LSAMP: variants seen among roughly 807,000 people sequenced by gnomAD.
LSAMP encodes the protein limbic system associated membrane protein, also known as limbic system-associated membrane protein.
In LSAMP, 7 loss-of-function variants were observed where a neutral mutation model predicts 38.6. That is an observed-to-expected ratio of 0.18 (90% CI 0.10 to 0.34). The LOEUF (loss-of-function observed/expected upper bound fraction) is 0.34, where lower values mean the gene tolerates loss of function less well. Among genes scored for constraint, LSAMP ranks in the 10% least tolerant of loss-of-function variants. LSAMP has a pLI of 1.00. For synonymous variants in LSAMP, 154 were observed against 166.8 expected, an observed-to-expected ratio of 0.92 and a Z score of 0.59; for missense variants, 313 against 420.0, an observed-to-expected ratio of 0.75 and a Z score of 2.23.
intron 1 of LSAMP, among the ~76,000 whole-genome samples, chr3:116,189,137 C>G (rs1710694450): frequency 6.6e-6 from 1 of 151,956 alleles, no homozygotes. Flanking sequence ...GTACTATGAA[C>G]AAAAAGTGGA....
chr3:115,954,120 G>A (rs957171951), intron 3 of LSAMP, among the ~76,000 whole-genome samples: 36 of 152,092 alleles, frequency 2.4e-4, no homozygotes, highest in African/African-American at 8.4e-4. Context: ...CCCTCATCCC[G>A]ATTCCCAGTT....
chr3:116,065,881 T>C (rs1707416629), intron 2 of LSAMP, among the ~76,000 whole-genome samples: 6 of 152,174 alleles, frequency 3.9e-5, no homozygotes. Context: ...TGTATGAACT[T>C]GGATAGTTAT....
chr3:116,159,354 C>T lies in LSAMP; in HGVS notation c.156-72798G>A, dbSNP rs371474026. ...TGGGAGTAAATATTTGCAAAGTATG[C>T]ATCTGACAAACATTTGATATCCAGA... On this transcript the variant is annotated intron_variant, in intron 1 of 6. Coordinates refer to ENST00000490035, the MANE Select transcript of LSAMP (RefSeq NM_002338.5). Among the ~76,000 whole-genome samples, 66 of 152,138 alleles carry T rather than the reference C, an allele frequency of 4.3e-4. No individual in the cohort carries two copies. The South Asian group carries it at 5.2e-3, about 12-fold the overall frequency.
chr3:116,327,404 TCTTA>T (rs1290195101), intron 1 of LSAMP, among the ~76,000 whole-genome samples: 2 of 152,144 alleles, frequency 1.3e-5, no homozygotes, highest in Non-Finnish European at 2.9e-5. Flanking sequence ...GGAATATTCT[TCTTA>T]CTTTTTTTTT....
intron 1 of LSAMP, among the ~76,000 whole-genome samples, chr3:116,211,902 T>C (rs577542118): frequency 3.9e-5 from 6 of 152,318 alleles, no homozygotes; most frequent in African/African-American, 1.4e-4. Context: ...AGATAGATGA[T>C]AGCAGGAGAC....
intron 1 of LSAMP, among the ~76,000 whole-genome samples, chr3:116,105,740 G>A (rs866183157): frequency 7.2e-5 from 11 of 152,306 alleles, no homozygotes; most frequent in African/African-American, 1.7e-4. Flanking sequence ...GGGCATATAC[G>A]TGCAAGTCAC....
At chr3:116,387,112 G>C (rs1042466309) in intron 1 of LSAMP, among the ~76,000 whole-genome samples, 4 of 152,154 alleles carry the variant, frequency 2.6e-5, no homozygotes, top group Admixed American at 2.0e-4. Flanking sequence ...ACTTTATACT[G>C]TAAGCATATG....
chr3:116,175,531 C>A (rs1425722916), intron 1 of LSAMP, among the ~76,000 whole-genome samples: 1 of 151,828 alleles, frequency 6.6e-6, no homozygotes, highest in Non-Finnish European at 1.5e-5. Context: ...ACATCCAGAG[C>A]AGTGCTGGGA....
intron 1 of LSAMP, among the ~76,000 whole-genome samples, chr3:116,156,184 C>G (rs1367185390): frequency 6.6e-6 from 1 of 152,036 alleles, no homozygotes; most frequent in Non-Finnish European, 1.5e-5. Flanking sequence ...TAATCCCACA[C>G]TGCAGGAAAG....
intron 2 of LSAMP, among the ~76,000 whole-genome samples, chr3:116,068,582 T>G (rs1357844009): frequency 6.6e-6 from 1 of 152,250 alleles, no homozygotes; most frequent in Non-Finnish European, 1.5e-5. Flanking sequence ...CGATAAGATT[T>G]ATTGCTGTTT....
intron 1 of LSAMP, among the ~76,000 whole-genome samples, chr3:116,228,198 A>G (rs1036502427): frequency 6.6e-6 from 1 of 152,140 alleles, no homozygotes; most frequent in Non-Finnish European, 1.5e-5. Flanking sequence ...AATGTATTAG[A>G]AAAGATACTC....
intron 1 of LSAMP, among the ~76,000 whole-genome samples, chr3:116,230,995 T>C (rs2046396954): frequency 6.6e-6 from 1 of 152,122 alleles, no homozygotes; most frequent in South Asian, 2.1e-4. Context: ...TCCTTTGTGT[T>C]AGACCCTGGA....
intron 3 of LSAMP, among the ~76,000 whole-genome samples, chr3:115,997,713 G>GATATATATATAT (rs376845636): frequency 1.3e-4 from 12 of 91,666 alleles, no homozygotes; most frequent in African/African-American, 1.6e-4. Context: ...GACATTTTGG[G>GATATATATATAT]ATATATATAT....
rs768932735 is a variant in LSAMP at position 116,017,351 on chromosome 3, ATCTT to A, written c.514+2160_514+2163del. On this transcript the variant is annotated intron_variant, in intron 3 of 6. Coordinates refer to ENST00000490035, the MANE Select transcript of LSAMP (RefSeq NM_002338.5). ...ATTATTTGATTATAACTTGAATAGAATCTTTCTTCCTTTCTAACTCCCATTTCCC... is the reference window on the plus strand; with the variant it reads ...ATTATTTGATTATAACTTGAATAGAATCTTCCTTTCTAACTCCCATTTCCC... Among the ~76,000 whole-genome samples the A allele has an allele frequency of 3.7e-4, 57 of 152,262 alleles. 1 individual carries two copies. Among genetic ancestry groups the A allele is most frequent in the Non-Finnish European group, 6.5e-4 (44 of 68,010 alleles).
chr3:116,250,013 G>A (rs1287627117), intron 1 of LSAMP, among the ~76,000 whole-genome samples: 3 of 151,992 alleles, frequency 2.0e-5, no homozygotes, highest in South Asian at 4.2e-4. Context: ...TTCGTAGATC[G>A]AGAAAGATAA....
intron 3 of LSAMP, among the ~76,000 whole-genome samples, chr3:115,919,350 A>C (rs1937330093): frequency 6.6e-6 from 1 of 152,202 alleles, no homozygotes; most frequent in Admixed American, 6.5e-5. Context: ...ATAACTAGAT[A>C]GCTTCTCAAC....
chr3:115,856,107 A>G (rs544101607), intron 3 of LSAMP, among the ~76,000 whole-genome samples: 2 of 152,340 alleles, frequency 1.3e-5, no homozygotes, highest in East Asian at 3.9e-4. Context: ...TGCCTTACTC[A>G]TAATATCCTC....
intron 1 of LSAMP, among the ~76,000 whole-genome samples, chr3:116,242,542 G>A (rs548238909): frequency 3.3e-5 from 5 of 151,854 alleles, no homozygotes; most frequent in African/African-American, 1.2e-4. Context: ...TTTCTTTTCC[G>A]GGTCCCCTGC....
intron 6 of LSAMP, among the ~76,000 whole-genome samples, chr3:115,812,608 A>G (rs1039109115): frequency 6.6e-6 from 1 of 152,190 alleles, no homozygotes; most frequent in African/African-American, 2.4e-5. Context: ...CTAGATGGCA[A>G]GAGCTCCTTG....
Sources: gnomAD v4.1 joint callset for allele counts (sites outside exome capture counted in the v4.1 genomes callset) on GRCh38, gnomAD v4.1.1 for gene constraint, MANE v1.5 for transcripts, NCBI Gene and HGNC (gene_info 2026-07-23, HGNC 2026-07-21) for gene names.